The following ACP3 variants were observed in gnomAD, a reference collection of about 807,000 sequenced individuals.
The protein encoded by ACP3 is acid phosphatase 3.
ACP3 carries 38 observed loss-of-function variants against 45.6 expected under a neutral mutation model. That is an observed-to-expected ratio of 0.83 (90% CI 0.64 to 1.09). The LOEUF is 1.09. ACP3 is among the 50% of genes least tolerant of loss of function. ACP3 has a pLI of 0.00. For synonymous variants in ACP3, 162 were observed against 164.7 expected, an observed-to-expected ratio of 0.98 and a Z score of 0.13; for missense variants, 466 against 463.2, an observed-to-expected ratio of 1.01 and a Z score of -0.05.
At chr3:132,327,585 G>A (rs191293689) in intron 1 of ACP3, among the ~76,000 whole-genome samples, 225 of 148,564 alleles carry the variant, frequency 1.5e-3, no homozygotes, top group Non-Finnish European at 2.8e-3. Context: ...TTGGAAGGCC[G>A]AGGCAAGTGG....
chr3:132,320,443 C>A (rs1160986709), intron 1 of ACP3, among the ~76,000 whole-genome samples: 2 of 152,086 alleles, frequency 1.3e-5, no homozygotes, highest in African/African-American at 4.8e-5. Flanking sequence ...CCATATCATC[C>A]AGAAATAGAA....
intron 3 of ACP3, 75 bp downstream of exon 3, chr3:132,331,808 T>G (rs918061459): frequency 7.8e-5 from 99 of 1,269,068 alleles, no homozygotes; most frequent in Non-Finnish European, 1.0e-4. Flanking sequence ...TAAAAGTGCT[T>G]TGCCTGTTTT....
At chr3:132,340,090 G>C (rs1232556461) in intron 5 of ACP3, among the ~76,000 whole-genome samples, 2 of 152,114 alleles carry the variant, frequency 1.3e-5, no homozygotes, top group Non-Finnish European at 2.9e-5. Flanking sequence ...CAAGGTGGGT[G>C]ATCACCTGAG....
intron 5 of ACP3, 104 bp from the exon 6 acceptor site, chr3:132,342,448 A>C (rs1937562450): frequency 1.3e-6 from 1 of 746,436 alleles, no homozygotes; most frequent in Non-Finnish European, 2.3e-6. Context: ...CCTATAATGC[A>C]CAGGAGAGCT....
At chr3:132,324,313 G>A (rs551812687) in intron 1 of ACP3, among the ~76,000 whole-genome samples, 1 of 151,852 alleles carries the variant, frequency 6.6e-6, no homozygotes, top group East Asian at 1.9e-4. Context: ...CACACCCTAA[G>A]CCACATGCCA....
intron 10 of ACP3, among the ~76,000 whole-genome samples, chr3:132,364,126 T>C (rs747415866): frequency 7.9e-5 from 12 of 152,224 alleles, no homozygotes; most frequent in Non-Finnish European, 1.8e-4. Context: ...GGATAATCGC[T>C]TGAGCCCAAG....
At chr3:132,325,888 C>G (rs943434541) in intron 1 of ACP3, among the ~76,000 whole-genome samples, 1 of 152,204 alleles carries the variant, frequency 6.6e-6, no homozygotes, top group African/African-American at 2.4e-5. Flanking sequence ...ATAATAGTAA[C>G]TGCTTTGTGG....
downstream of ACP3, among the ~76,000 whole-genome samples, chr3:132,360,324 A>AC (rs1938016993): frequency 6.7e-6 from 1 of 149,760 alleles, no homozygotes; most frequent in African/African-American, 2.4e-5. Flanking sequence ...GGAAAAAAAA[A>AC]AAAAAACAAT....
intron 1 of ACP3, among the ~76,000 whole-genome samples, chr3:132,327,912 T>C (rs1482212080): frequency 6.6e-6 from 1 of 152,226 alleles, no homozygotes; most frequent in Non-Finnish European, 1.5e-5. Context: ...TCCTATCTTA[T>C]GTACAAACCG....
At chr3:132,367,766 T>C (rs914118759) in exon 11 of ACP3, 1 of 1,613,934 alleles carries the variant, frequency 6.2e-7, no homozygotes, top group African/African-American at 1.3e-5. Context: ...GGTACTACTG[T>C]TTATCCACAT....
chr3:132,317,681 A>G, intron 1 of ACP3, 105 bp downstream of exon 1: 1 of 1,293,556 alleles, frequency 7.7e-7, no homozygotes, highest in Non-Finnish European at 1.0e-6. Flanking sequence ...TTTCCCAGAG[A>G]CCAGGCTCTG....
At chr3:132,340,395 A>C (rs2310230) in intron 5 of ACP3, among the ~76,000 whole-genome samples, 40,967 of 151,412 alleles carry the variant, frequency 0.27, 5,894 homozygotes, top group East Asian at 0.63. Context: ...AAGTTTGTCT[A>C]TTAACTGCTT....
chr3:132,334,964 G>A (rs1277813290), intron 4 of ACP3, among the ~76,000 whole-genome samples: 1 of 151,824 alleles, frequency 6.6e-6, no homozygotes, highest in African/African-American at 2.4e-5. Context: ...TGAAAGTCAA[G>A]TTAGTTAAAA....
chr3:132,337,818 A>G (rs992340805), intron 5 of ACP3, among the ~76,000 whole-genome samples: 2 of 152,210 alleles, frequency 1.3e-5, no homozygotes, highest in South Asian at 4.1e-4. Flanking sequence ...ACCAGGTGTG[A>G]GTAAATGGCT....
chr3:132,337,625 C>A (rs2107803308), intron 5 of ACP3, 71 bp downstream of exon 5: 1 of 931,830 alleles, frequency 1.1e-6, no homozygotes. Context: ...GGCCAAGACA[C>A]AAGATGAAGC....
At chr3:132,347,073 C>T (rs1937618436) in intron 7 of ACP3, among the ~76,000 whole-genome samples, 1 of 152,190 alleles carries the variant, frequency 6.6e-6, no homozygotes, top group African/African-American at 2.4e-5. Context: ...AAGCCACTTC[C>T]CCTCTCTGGA....
chr3:132,319,305 A>G (rs909963245), intron 1 of ACP3, among the ~76,000 whole-genome samples: 4 of 152,240 alleles, frequency 2.6e-5, no homozygotes, highest in African/African-American at 9.6e-5. Flanking sequence ...GAAAATTATT[A>G]GGAGAACCAG....
Position 132,353,209 on chromosome 3 carries a change from T to A in ACP3, c.968+386T>A, listed in dbSNP as rs116018898. 2.8e-3 allele frequency among the ~76,000 whole-genome samples: 419 copies of A among 152,352 alleles called. 3 individuals are homozygous for A. Among genetic ancestry groups the A allele is most frequent in the African/African-American group, 9.1e-3 (379 of 41,578 alleles). ...TATTCATTCAGCTTCTGATGATTCA[T>A]ATCCACAAGTCAAGATTCTTAAAGT... is the stretch of plus-strand genomic sequence containing the variant. On this transcript the variant is annotated intron_variant, in intron 9 of 9. Transcript: ENST00000336375.
At chr3:132,365,951 C>T (rs1209944710) in intron 10 of ACP3, among the ~76,000 whole-genome samples, 4 of 151,800 alleles carry the variant, frequency 2.6e-5, no homozygotes, top group Non-Finnish European at 5.9e-5. Context: ...GATGGTGCCA[C>T]TGCACTCCAG....
Sources: allele counts gnomAD v4.1 joint callset (sites outside exome capture counted in the v4.1 genomes callset), GRCh38; gene constraint gnomAD v4.1.1; transcripts MANE v1.5; gene names NCBI Gene and HGNC (gene_info 2026-07-23, HGNC 2026-07-21).